The following PITPNM2 variants were observed in gnomAD, a reference collection of about 807,000 sequenced individuals.
The protein encoded by PITPNM2 is membrane-associated phosphatidylinositol transfer protein 2.
In PITPNM2, 35 loss-of-function variants were observed where a neutral mutation model predicts 132.2. The ratio of observed to expected loss-of-function variants is 0.26; its 90% confidence interval spans 0.20 to 0.35. The LOEUF is 0.35. Among genes scored for constraint, PITPNM2 ranks in the 10% least tolerant of loss-of-function variants. The pLI is 1.00. For synonymous variants in PITPNM2, 738 were observed against 799.2 expected (o/e 0.92, Z 1.29); for missense variants, 1,332 against 1,912.0 (o/e 0.70, Z 5.66).
At chr12:123,070,101 G>A (rs980075315) in intron 2 of PITPNM2, among the ~76,000 whole-genome samples, 7 of 152,174 alleles carry the variant, frequency 4.6e-5, no homozygotes, top group African/African-American at 1.7e-4. Flanking sequence ...AGGGACAGAC[G>A]AGTCCAGAGG....
chr12:123,109,584 C>G (rs1035958941), intron 2 of PITPNM2, among the ~76,000 whole-genome samples: 13 of 152,342 alleles, frequency 8.5e-5, no homozygotes, highest in African/African-American at 3.1e-4. Context: ...CCATGACTTG[C>G]GGGCAGCTGA....
chr12:123,046,462 G>A (rs536437856), intron 2 of PITPNM2, among the ~76,000 whole-genome samples: 1 of 152,174 alleles, frequency 6.6e-6, no homozygotes, highest in African/African-American at 2.4e-5. Flanking sequence ...TAACTCACAT[G>A]CCATGTAATT....
intron 1 of PITPNM2, among the ~76,000 whole-genome samples, chr12:123,134,337 T>A (rs2043330091): frequency 6.6e-6 from 1 of 152,136 alleles, no homozygotes; most frequent in Non-Finnish European, 1.5e-5. Flanking sequence ...TGCTGGGGTC[T>A]GCCAAGCCCG....
chr12:123,128,826 T>G (rs1171776589), intron 1 of PITPNM2, among the ~76,000 whole-genome samples: 1 of 151,664 alleles, frequency 6.6e-6, no homozygotes, highest in African/African-American at 2.4e-5. Context: ...TGCCTATCCC[T>G]CAGTCTCTAC....
chr12:123,123,613 C>A (rs992427421), intron 1 of PITPNM2, among the ~76,000 whole-genome samples: 3 of 149,608 alleles, frequency 2.0e-5, no homozygotes, highest in Non-Finnish European at 1.5e-5. Context: ...CTCTCTCTCT[C>A]AAAAAAAACA....
intron 2 of PITPNM2, among the ~76,000 whole-genome samples, chr12:123,049,015 T>C (rs1303988957): frequency 6.6e-6 from 1 of 152,066 alleles, no homozygotes; most frequent in Non-Finnish European, 1.5e-5. Flanking sequence ...GTACCTGTAG[T>C]CCCAGCTACT....
chr12:123,034,870 C>T (rs2040216070), intron 2 of PITPNM2, among the ~76,000 whole-genome samples, 185 bp from the exon 3 acceptor site: 1 of 152,164 alleles, frequency 6.6e-6, no homozygotes, highest in Non-Finnish European at 1.5e-5. Flanking sequence ...TGTTTGCTAA[C>T]AGCTACCAAA....
intron 3 of PITPNM2, among the ~76,000 whole-genome samples, chr12:123,025,045 T>C (rs1415261585): frequency 6.6e-6 from 1 of 152,200 alleles, no homozygotes; most frequent in Admixed American, 6.5e-5. Context: ...TCTAAGCATC[T>C]CTCTGCCATG....
In PITPNM2 at chr12:123,099,344, T is replaced by A. The variant is rs909510605; in HGVS notation, c.-96+11041A>T. Reference sequence around the variant, plus strand: ...GGCTCTCTGAATCTGCCTCCCTATGTTCCTCGGAGAACACCCAGCACAGCA... The same window carrying A: ...GGCTCTCTGAATCTGCCTCCCTATGATCCTCGGAGAACACCCAGCACAGCA... On this transcript the variant is annotated intron_variant, in intron 2 of 25. Transcript: ENST00000320201. This position sits in a 1 kb window ranked among gnomAD's most constrained non-coding sequence, Gnocchi z 4.2. Among the ~76,000 whole-genome samples, 1 of 152,184 alleles carries A rather than the reference T, an allele frequency of 6.6e-6. No homozygotes were observed. The highest frequency in any genetic ancestry group is 1.5e-5 in the Non-Finnish European group (1 of 68,020).
intron 1 of PITPNM2, among the ~76,000 whole-genome samples, chr12:123,115,154 G>A (rs566519363): frequency 5.4e-4 from 83 of 152,308 alleles, no homozygotes; most frequent in South Asian, 2.5e-3. Flanking sequence ...AGGCCAAGAG[G>A]AGGAGCTGGC....
At chr12:123,142,611 G>A (rs2043528238) in intron 1 of PITPNM2, among the ~76,000 whole-genome samples, 2 of 152,130 alleles carry the variant, frequency 1.3e-5, no homozygotes, top group Admixed American at 1.3e-4. Context: ...CACAATAAAC[G>A]TTTGGCCTGT....
intron 5 of PITPNM2, among the ~76,000 whole-genome samples, chr12:123,011,604 C>T (rs2039206395): frequency 6.6e-6 from 1 of 152,118 alleles, no homozygotes. Context: ...AAAAGTAAGG[C>T]CATTAAGGTG....
intron 5 of PITPNM2, among the ~76,000 whole-genome samples, chr12:123,011,683 G>C (rs1224445349): frequency 1.3e-5 from 2 of 152,152 alleles, no homozygotes; most frequent in Non-Finnish European, 2.9e-5. Context: ...ACACAGAGGG[G>C]AGTGACCATG....
At chr12:123,135,720 CGG>C (rs2043366552) in intron 1 of PITPNM2, among the ~76,000 whole-genome samples, 2 of 152,076 alleles carry the variant, frequency 1.3e-5, no homozygotes, top group Non-Finnish European at 2.9e-5. Context: ...TTTTTAGAGA[CGG>C]CGTCTCGCTA....
Position 122,995,430 on chromosome 12 carries a change from G to A in PITPNM2, c.2013C>T (p.Tyr671=), listed in dbSNP as rs370272498. ...LPRKRSDSST[Y]ELDTIQQHQA... ...GGTGCTGCTGGATGGTATCCAGCTC[G>A]TAGGTGGATGAGTCGCTCCTCTTGC... is the stretch of plus-strand genomic sequence containing the variant. The change falls in exon 14 of 26, where the codon TAC becomes TAT. Residue 671 remains tyrosine (Y), a synonymous_variant. Transcript: ENST00000320201. 2.4e-5 allele frequency: 38 copies of A among 1,612,904 alleles called. No homozygotes were observed. The highest frequency in any genetic ancestry group is 1.6e-4 in the Middle Eastern group (1 of 6,076).
In PITPNM2 at chr12:123,077,582, C is replaced by G. The variant is rs994140300; in HGVS notation, c.-96+32803G>C. Among the ~76,000 whole-genome samples the G allele has an allele frequency of 6.6e-6, 1 of 152,140 alleles. No homozygotes were observed. The highest frequency in any genetic ancestry group is 2.4e-5 in the African/African-American group (1 of 41,422). On this transcript the variant is annotated intron_variant, in intron 2 of 25. Transcript: ENST00000320201. This position sits in a 1 kb window ranked among gnomAD's most constrained non-coding sequence, Gnocchi z 4.8. Reference sequence around the variant, plus strand: ...ACCAGGAGGCAGGAGTCGAGCTACTCACAGACTCCCTAGAGGAGAACTCCA... The same window carrying G: ...ACCAGGAGGCAGGAGTCGAGCTACTGACAGACTCCCTAGAGGAGAACTCCA...
intron 3 of PITPNM2, among the ~76,000 whole-genome samples, chr12:123,020,544 C>G (rs1297230165): frequency 6.6e-6 from 1 of 152,192 alleles, no homozygotes; most frequent in Non-Finnish European, 1.5e-5. Flanking sequence ...GATCCCCTGG[C>G]ATGGGCAGCT....
At chr12:123,038,622 G>T (rs986086855) in intron 2 of PITPNM2, among the ~76,000 whole-genome samples, 1 of 152,230 alleles carries the variant, frequency 6.6e-6, no homozygotes, top group African/African-American at 2.4e-5. Context: ...GGGCGGGTGT[G>T]AGAAGTACTC....
chr12:123,044,952 C>G (rs1256143693), intron 2 of PITPNM2, among the ~76,000 whole-genome samples: 1 of 152,204 alleles, frequency 6.6e-6, no homozygotes, highest in East Asian at 1.9e-4. Context: ...ATGCCTGGCT[C>G]CAGTCTTCTT....
Sources: gnomAD v4.1 joint callset for allele counts (sites outside exome capture counted in the v4.1 genomes callset) on GRCh38, gnomAD v4.1.1 for gene constraint, Gnocchi (gnomAD v3.1) non-coding constraint, MANE v1.5 for transcripts, NCBI Gene and HGNC (gene_info 2026-07-23, HGNC 2026-07-21) for gene names.